Variants in RBFOX3 observed in about 807,000 individuals in gnomAD.
RBFOX3 encodes the protein RNA binding fox-1 homolog 3.
RBFOX3 carries 17 observed loss-of-function variants against 48.7 expected under a neutral mutation model. That is an observed-to-expected ratio of 0.35 (90% CI 0.24 to 0.52). The LOEUF is 0.52. Ranked by LOEUF, RBFOX3 falls within the 20% of genes least tolerant of loss-of-function variation. The pLI is 0.94. For missense variants in RBFOX3, 382 were observed against 497.5 expected (o/e 0.77, Z 2.21); for synonymous variants, 212 against 209.5 (o/e 1.01, Z -0.10).
chr17:79,264,977 C>G (rs1423096821), intron 3 of RBFOX3, among the ~76,000 whole-genome samples: 1 of 147,564 alleles, frequency 6.8e-6, no homozygotes, highest in Non-Finnish European at 1.5e-5. Context: ...GGGGGGGGGG[C>G]GCAGATTTGT....
chr17:79,610,324 C>G (rs960998630), intron 1 of RBFOX3, among the ~76,000 whole-genome samples: 2,502 of 152,108 alleles, frequency 0.016, 75 homozygotes, highest in African/African-American at 0.057. Context: ...TCGCCAGCCT[C>G]TCTCCCACCC....
chr17:79,555,161 A>C (rs1220863054), intron 1 of RBFOX3, among the ~76,000 whole-genome samples: 1 of 152,240 alleles, frequency 6.6e-6, no homozygotes, highest in Non-Finnish European at 1.5e-5. Flanking sequence ...AAGAGTATCC[A>C]TATCCCCAAT....
At chr17:79,401,585 C>G (rs1349360878) in intron 2 of RBFOX3, among the ~76,000 whole-genome samples, 1 of 152,180 alleles carries the variant, frequency 6.6e-6, no homozygotes, top group African/African-American at 2.4e-5. Context: ...GAACCTATTT[C>G]TTTTGTTTCA....
chr17:79,244,855 T>C (rs1181814476), intron 3 of RBFOX3, among the ~76,000 whole-genome samples: 1 of 148,548 alleles, frequency 6.7e-6, no homozygotes, highest in Non-Finnish European at 1.5e-5. Context: ...TCATTCTCCT[T>C]CCTTTCCTTT....
chr17:79,139,132 C>T (rs561815155), intron 4 of RBFOX3, among the ~76,000 whole-genome samples: 4 of 152,140 alleles, frequency 2.6e-5, no homozygotes, highest in East Asian at 1.9e-4. Flanking sequence ...ACAGCACATG[C>T]GTTCACGGTC....
intron 4 of RBFOX3, among the ~76,000 whole-genome samples, chr17:79,125,891 G>A (rs1339440973): frequency 3.3e-5 from 5 of 152,230 alleles, no homozygotes; most frequent in Non-Finnish European, 7.3e-5. Flanking sequence ...GCCGAGCTGT[G>A]AGGTGTGTCA....
chr17:79,620,567 G>A, the RBFOX3 span, among the ~76,000 whole-genome samples: 122 of 114,190 alleles, frequency 1.1e-3, 1 homozygote, highest in African/African-American at 2.6e-3. Context: ...GTGCACACCC[G>A]CGCGTGCACA....
chr17:79,550,524 G>C (rs944892167), intron 1 of RBFOX3, among the ~76,000 whole-genome samples: 24 of 152,324 alleles, frequency 1.6e-4, no homozygotes, highest in Admixed American at 1.0e-3. Flanking sequence ...TATTTAATAA[G>C]TATTTTTCAA....
At position 79,379,731 on chromosome 17, in the gene RBFOX3, C is replaced by T. The variant is rs74609610; in HGVS notation, c.-174-71907G>A. 5.4e-3 allele frequency among the ~76,000 whole-genome samples: 818 copies of T among 152,248 alleles called. 8 individuals are homozygous for T. The highest frequency in any genetic ancestry group is 0.018 in the African/African-American group (765 of 41,542). On this transcript the variant is annotated intron_variant, in intron 2 of 14. Coordinates refer to ENST00000693108, the MANE Select transcript of RBFOX3 (RefSeq NM_001350451.2). ...TCCCGGATGGACTCATCTGCGCCCC[C>T]GAAGATGGCTTCCCTCACATCCAAT... is the stretch of plus-strand genomic sequence containing the variant.
intron 1 of RBFOX3, among the ~76,000 whole-genome samples, chr17:79,498,605 T>A (rs543189017): frequency 1.3e-4 from 19 of 147,252 alleles, no homozygotes; most frequent in South Asian, 8.9e-4. Flanking sequence ...CGCCCATCCA[T>A]CCATGCATCT....
chr17:79,652,973 A>G, the RBFOX3 span, among the ~76,000 whole-genome samples: 2 of 152,182 alleles, frequency 1.3e-5, no homozygotes, highest in African/African-American at 4.8e-5. Context: ...AATAGGATCA[A>G]AAGCTGAATG....
chr17:79,593,404 A>G (rs1432801345), intron 1 of RBFOX3, among the ~76,000 whole-genome samples: 1 of 152,078 alleles, frequency 6.6e-6, no homozygotes, highest in Non-Finnish European at 1.5e-5. Flanking sequence ...TCTTGCAAAG[A>G]TTGCTTTTTT....
chr17:79,543,401 G>A (rs1451056476), intron 1 of RBFOX3, among the ~76,000 whole-genome samples: 1 of 152,132 alleles, frequency 6.6e-6, no homozygotes. Flanking sequence ...AAGGACGCCT[G>A]AAATGCCAAT....
chr17:79,383,059 C>CACACACAT (rs2060130658), intron 2 of RBFOX3, among the ~76,000 whole-genome samples: 1 of 151,856 alleles, frequency 6.6e-6, no homozygotes, highest in South Asian at 2.1e-4. Flanking sequence ...CACACACACA[C>CACACACAT]ACACACACAC....
Position 79,111,013 on chromosome 17 carries a change from G to C in RBFOX3, c.223-4225C>G, listed in dbSNP as rs2031155617. Among the ~76,000 whole-genome samples, 1 of 152,268 alleles carries C rather than the reference G, an allele frequency of 6.6e-6. No individual in the cohort carries two copies. Among genetic ancestry groups the C allele is most frequent in the South Asian group, 2.1e-4 (1 of 4,828 alleles). ...CAGTGACCAAGGGCTGCAGCTCCTG[G>C]CTGAGGGGAGAGGGCCTTGGCCAGA... On this transcript the variant is annotated intron_variant, in intron 5 of 14. Transcript: ENST00000693108. This position sits in a 1 kb window ranked among gnomAD's most constrained non-coding sequence, Gnocchi z 4.2.
chr17:79,375,400 C>T (rs192599927), intron 2 of RBFOX3, among the ~76,000 whole-genome samples: 1 of 149,690 alleles, frequency 6.7e-6, no homozygotes, highest in Non-Finnish European at 1.5e-5. Flanking sequence ...CACACACACA[C>T]GAAGCTCTTC....
intron 1 of RBFOX3, among the ~76,000 whole-genome samples, chr17:79,507,068 G>T (rs1386312051): frequency 6.6e-6 from 1 of 152,202 alleles, no homozygotes; most frequent in Non-Finnish European, 1.5e-5. Flanking sequence ...GAGCCCTGGG[G>T]GCAGGAGAGC....
intron 4 of RBFOX3, among the ~76,000 whole-genome samples, chr17:79,150,416 T>C (rs1448327378): frequency 1.3e-5 from 2 of 152,082 alleles, no homozygotes; most frequent in African/African-American, 4.8e-5. Context: ...CTCAGCTCCA[T>C]CCGCAACCCC....
At chr17:79,389,712 G>A (rs1387138241) in intron 2 of RBFOX3, among the ~76,000 whole-genome samples, 2 of 152,174 alleles carry the variant, frequency 1.3e-5, no homozygotes, top group Non-Finnish European at 2.9e-5. Flanking sequence ...GTACGTTCCT[G>A]GGGAATGCCA....
Sources: gnomAD v4.1 joint callset for allele counts (sites outside exome capture counted in the v4.1 genomes callset) on GRCh38, gnomAD v4.1.1 for gene constraint, Gnocchi (gnomAD v3.1) non-coding constraint, MANE v1.5 for transcripts, NCBI Gene and HGNC (gene_info 2026-07-23, HGNC 2026-07-21) for gene names.